ADSL: variants seen among roughly 807,000 people sequenced by gnomAD.
ADSL encodes adenylosuccinate lyase.
ADSL carries 44 observed loss-of-function variants against 62.1 expected under a neutral mutation model. The ratio of observed to expected loss-of-function variants is 0.71; its 90% CI spans 0.56 to 0.91. The LOEUF (loss-of-function observed/expected upper bound fraction) is 0.91, where lower values mean the gene tolerates loss of function less well. ADSL is among the 40% of genes least tolerant of loss of function. The pLI is 0.00. For missense variants in ADSL, 531 were observed against 627.4 expected, an observed-to-expected ratio of 0.85 and a Z score of 1.64; for synonymous variants, 198 against 220.5, an observed-to-expected ratio of 0.90 and a Z score of 0.90.
chr22:40,357,183 A>AC (rs2044595899), intron 4 of ADSL, among the ~76,000 whole-genome samples: 1 of 147,052 alleles, frequency 6.8e-6, no homozygotes, highest in African/African-American at 2.5e-5. Context: ...AGCGTGAGAC[A>AC]CCGCACCTGG....
chr22:40,379,142 T>C (rs1430916684), intron 2 of ADSL, among the ~76,000 whole-genome samples: 2 of 152,216 alleles, frequency 1.3e-5, no homozygotes, highest in Non-Finnish European at 2.9e-5. Flanking sequence ...AAGTTACTTC[T>C]TTCCCCTCTA....
chr22:40,381,968 A>ATT (rs371690357), intron 2 of ADSL, among the ~76,000 whole-genome samples: 3 of 152,258 alleles, frequency 2.0e-5, no homozygotes, highest in African/African-American at 7.2e-5. Flanking sequence ...TCAAATAATA[A>ATT]TTCTTATTTT....
rs540597292 is a variant in ADSL, at chr22:40,346,581, G to C, written c.23G>C (p.Gly8Ala). The change falls in exon 1 of 13, where the codon GGT becomes GCT. Residue 8 changes from glycine to alanine, a missense_variant. Coordinates refer to ENST00000623063, the MANE Select transcript of ADSL (RefSeq NM_000026.4). Reference sequence around the variant, plus strand: ...GGGATGGCGGCTGGAGGCGATCATGGTTCGCCCGACAGCTACCGCTCACCT... The same window carrying C: ...GGGATGGCGGCTGGAGGCGATCATGCTTCGCCCGACAGCTACCGCTCACCT... MAAGGDH[G>A]SPDSYRSPLA... 6 of 1,606,054 alleles carry C rather than the reference G, an allele frequency of 3.7e-6. No homozygotes were observed. In the South Asian group the frequency reaches 6.7e-5, roughly 18 times the overall value.
chr22:40,361,537 C>G lies in ADSL; in HGVS notation c.912C>G (p.Cys304Trp). ...GGAATCCCATGCGTTCAGAACGTTG[C>G]TGCAGTCTTGCCCGCCACCTGATGA... ...YKRNPMRSER[C>W]CSLARHLMTL... Residue 304 changes from cysteine (C) to tryptophan (W), a missense_variant, in exon 9 of 13, where the codon TGC becomes TGG. Cys to Trp is a radical substitution (Grantham distance 215). Coordinates refer to ENST00000623063, the MANE Select transcript of ADSL (RefSeq NM_000026.4). 1 of 1,614,220 alleles carries G rather than the reference C, an allele frequency of 6.2e-7. No homozygotes were observed. Among genetic ancestry groups the G allele is most frequent in the Non-Finnish European group, 8.5e-7 (1 of 1,180,032 alleles).
Position 40,367,477 on chromosome 22 carries a change from A to G in ADSL, c.*955A>G, listed in dbSNP as rs902520715. The G allele has an allele frequency of 1.2e-5, 2 of 167,718 alleles. No homozygotes were observed. Among genetic ancestry groups the G allele is most frequent in the Non-Finnish European group, 2.9e-5 (2 of 68,262 alleles). The allele number at this position is 167,718 out of a possible 1,614,324, so 10.4% of individuals were successfully genotyped here. On this transcript the variant is annotated 3_prime_UTR_variant, in exon 13 of 13. Transcript: ENST00000623063. ...TTTTTACTTGTTTACAGTGTAAGCA[A>G]GTGCCATTGGACAAGAACGTTGTCT... is the stretch of plus-strand genomic sequence containing the variant.
chr22:40,362,031 G>A (rs2044810724), intron 9 of ADSL, among the ~76,000 whole-genome samples: 1 of 152,168 alleles, frequency 6.6e-6, no homozygotes, highest in Admixed American at 6.5e-5. Flanking sequence ...CAGGAGGTGG[G>A]GCAGGACATG....
At chr22:40,358,600 A>T (rs1290059893) in intron 4 of ADSL, among the ~76,000 whole-genome samples, 1 of 152,218 alleles carries the variant, frequency 6.6e-6, no homozygotes, top group Non-Finnish European at 1.5e-5. Context: ...ATAATAATTT[A>T]AAAATTGCCT....
intron 3 of ADSL, chr22:40,353,876 T>C: frequency 5.9e-6 from 2 of 337,680 alleles, no homozygotes; most frequent in Non-Finnish European, 1.1e-5. Flanking sequence ...TCCGCCCGTC[T>C]TGGCCTCACA....
rs1268082439 is a variant in ADSL, at chr22:40,359,269, CT to C, written c.666del (p.Asp223ThrfsTer4). 6.2e-7 allele frequency: 1 copy of C among 1,613,962 alleles called. No individual in the cohort carries two copies. Among genetic ancestry groups the C allele is most frequent in the Non-Finnish European group, 8.5e-7 (1 of 1,180,012 alleles). ...FEGDDHKVEQ[L>X]DKMVTEKAGF... The stretch of plus-strand genomic sequence containing the variant: ...GTCTTTTCTTTCCAAGGTAGAGCAG[CT>C]TGACAAGATGGTGACAGAAAAGGCA... On this transcript the variant is annotated frameshift_variant, in exon 6 of 13. Transcript: ENST00000623063. LOFTEE classifies it high-confidence loss of function.
chr22:40,379,748 A>G (rs1464305460), intron 2 of ADSL, among the ~76,000 whole-genome samples: 1 of 152,020 alleles, frequency 6.6e-6, no homozygotes, highest in Non-Finnish European at 1.5e-5. Context: ...TCACTTTGTC[A>G]CCCAGGCTGG....
chr22:40,383,377 G>A (rs2047892898), intron 2 of ADSL, among the ~76,000 whole-genome samples: 1 of 151,440 alleles, frequency 6.6e-6, no homozygotes, highest in Non-Finnish European at 1.5e-5. Flanking sequence ...TAAGGCAGGA[G>A]AATGGCGTGA....
chr22:40,377,843 CT>C (rs1460412885), intron 2 of ADSL, among the ~76,000 whole-genome samples: 15 of 134,306 alleles, frequency 1.1e-4, no homozygotes, highest in African/African-American at 4.3e-4. Context: ...AAGACCCTGT[CT>C]CAAAAAAAAA....
At chr22:40,358,053 T>TA (rs1288298480) in intron 4 of ADSL, among the ~76,000 whole-genome samples, 4 of 152,084 alleles carry the variant, frequency 2.6e-5, no homozygotes, top group African/African-American at 9.7e-5. Context: ...GCTGGGATTA[T>TA]AGGCATGAGC....
rs995911214 is a variant in ADSL, at chr22:40,350,417, C to T, written c.357+382C>T. The T allele has an allele frequency of 9.5e-5, 19 of 199,214 alleles. No homozygotes were observed. The Admixed American group carries it at 9.7e-4, about 10-fold the overall frequency. The allele number at this position is 199,214 out of a possible 1,614,324, so 12.3% of individuals were successfully genotyped here. A position where few individuals can be genotyped will look rare whatever the true frequency, so the allele number is the denominator to read the frequency against. On this transcript the variant is annotated intron_variant, in intron 2 of 12. Transcript: ENST00000623063. ...TTGGGATTACAGGCGTGAGCCACCACGCCCAGCCAGATCTTTATTTTTAAA... is the reference window on the plus strand; with the variant it reads ...TTGGGATTACAGGCGTGAGCCACCATGCCCAGCCAGATCTTTATTTTTAAA...
intron 2 of ADSL, among the ~76,000 whole-genome samples, chr22:40,382,205 T>C (rs2047682505): frequency 6.6e-6 from 1 of 152,210 alleles, no homozygotes; most frequent in Admixed American, 6.5e-5. Context: ...AAATTTAAAA[T>C]GGCATTATGT....
chr22:40,361,603 G>A lies in ADSL; in HGVS notation c.978G>A (p.Trp326Ter), dbSNP rs1224557562. 6.2e-7 allele frequency: 1 copy of A among 1,614,050 alleles called. No individual in the cohort carries two copies. The highest frequency in any genetic ancestry group is 8.5e-7 in the Non-Finnish European group (1 of 1,180,052). The change falls in exon 9 of 13, where the codon TGG becomes TGA. Residue 326 changes from tryptophan to a stop codon, truncating the protein, a stop_gained. Transcript: ENST00000623063. LOFTEE classifies it high-confidence loss of function. ...CGCTACAGACAGCATCTGTCCAGTG[G>A]TTTGAACGCACACTGGATGATAGTG... ...MDPLQTASVQ[W>*]FERTLDDSAN...
chr22:40,379,126 T>A (rs1343391451), intron 2 of ADSL, among the ~76,000 whole-genome samples: 2 of 152,238 alleles, frequency 1.3e-5, no homozygotes, highest in Non-Finnish European at 2.9e-5. Context: ...CTCTTATTAA[T>A]TTTTTAAGTT....
intron 2 of ADSL, among the ~76,000 whole-genome samples, chr22:40,380,867 C>T (rs572478291): frequency 2.6e-5 from 4 of 152,000 alleles, no homozygotes; most frequent in East Asian, 3.9e-4. Context: ...CCTGGGAGGT[C>T]GAGGCTGCAG....
chr22:40,377,126 T>C (rs1348634265), intron 2 of ADSL, among the ~76,000 whole-genome samples: 2 of 152,212 alleles, frequency 1.3e-5, no homozygotes, highest in Non-Finnish European at 1.5e-5. Context: ...TTTTGGCCTG[T>C]CCAGCATCCA....
Sources: gnomAD v4.1 joint callset for allele counts (sites outside exome capture counted in the v4.1 genomes callset) on GRCh38, gnomAD v4.1.1 for gene constraint, MANE v1.5 for transcripts, NCBI Gene and HGNC (gene_info 2026-07-23, HGNC 2026-07-21) for gene names.